Variants in RPTOR observed in about 807,000 individuals in gnomAD.
The protein encoded by RPTOR is regulatory-associated protein of mTOR.
RPTOR carries 21 observed loss-of-function variants against 169.9 expected under a neutral mutation model. The observed-to-expected ratio is 0.12, with a 90% CI of 0.09 to 0.18. The LOEUF is 0.18. Ranked by LOEUF, RPTOR falls within the 10% of genes least tolerant of loss-of-function variation. The pLI is 1.00. For synonymous variants in RPTOR, 732 were observed against 753.2 expected (o/e 0.97, Z 0.46); for missense variants, 1,133 against 1,855.9 (o/e 0.61, Z 7.16).
At chr17:80,598,071 G>A (rs1374824871) in intron 1 of RPTOR, among the ~76,000 whole-genome samples, 1 of 152,128 alleles carries the variant, frequency 6.6e-6, no homozygotes, top group Admixed American at 6.5e-5. Context: ...GAGTCCATCA[G>A]GCTGAGGCCA....
chr17:80,834,960 TTTA>T (rs748488550), intron 9 of RPTOR, among the ~76,000 whole-genome samples: 6 of 152,252 alleles, frequency 3.9e-5, no homozygotes, highest in Non-Finnish European at 5.9e-5. Context: ...TCGAGGAATC[TTTA>T]TAGAGTTTAA....
At position 80,831,314 on chromosome 17, in the gene RPTOR, A is replaced by G. The variant is rs941578356; in HGVS notation, c.1137-6608A>G. On this transcript the variant is annotated intron_variant, in intron 9 of 33. Transcript: ENST00000306801. ...GGAGGCTGAGACGATTCCTCAGTCC[A>G]TGTCACCCTGAGAAAATCCCCCTCC... 2.6e-5 allele frequency among the ~76,000 whole-genome samples: 4 copies of G among 152,278 alleles called. 1 individual carries two copies. The highest frequency in any genetic ancestry group is 2.0e-4 in the Admixed American group (3 of 15,304).
At position 80,966,310 on chromosome 17, in the gene RPTOR, C is replaced by T. The variant is rs906937402; in HGVS notation, c.*1980C>T. 4 of 231,680 alleles carry T rather than the reference C, an allele frequency of 1.7e-5. No individual in the cohort carries two copies. Among genetic ancestry groups the T allele is most frequent in the African/African-American group, 8.8e-5 (4 of 45,226 alleles). 14.4% of individuals were successfully genotyped at this position (231,680 alleles called of 1,614,324 possible). ...AATTGAGACGGACTTTGACAAAACA[C>T]GAAATGGTAATGTGAAGCTAAGAGC... On this transcript the variant is annotated 3_prime_UTR_variant, in exon 34 of 34. Coordinates refer to ENST00000306801, the MANE Select transcript of RPTOR (RefSeq NM_020761.3).
At chr17:80,937,173 G>A (rs2068964951) in intron 24 of RPTOR, among the ~76,000 whole-genome samples, 1 of 152,188 alleles carries the variant, frequency 6.6e-6, no homozygotes, top group South Asian at 2.1e-4. Context: ...GAGGGAGGGA[G>A]CTGGCAGTGT....
intron 6 of RPTOR, among the ~76,000 whole-genome samples, chr17:80,757,527 A>T (rs1460091054): frequency 6.6e-6 from 1 of 152,064 alleles, no homozygotes; most frequent in Non-Finnish European, 1.5e-5. Flanking sequence ...GTTTGTCTTA[A>T]TCTGTTTTGG....
At chr17:80,627,378 T>G (rs1361359739) in intron 2 of RPTOR, among the ~76,000 whole-genome samples, 2 of 152,208 alleles carry the variant, frequency 1.3e-5, no homozygotes, top group Admixed American at 6.5e-5. Context: ...TCTTTAAGTT[T>G]TGACAAATAT....
intron 21 of RPTOR, among the ~76,000 whole-genome samples, chr17:80,911,614 G>A (rs975648523): frequency 5.9e-5 from 9 of 151,988 alleles, no homozygotes; most frequent in African/African-American, 1.9e-4. Context: ...GTGAAACCCC[G>A]TCTCTACAAA....
intron 4 of RPTOR, among the ~76,000 whole-genome samples, chr17:80,709,570 G>A (rs903743727): frequency 6.6e-6 from 1 of 152,344 alleles, no homozygotes; most frequent in East Asian, 1.9e-4. Context: ...TCCCACATTC[G>A]CTGTCCCCTG....
chr17:80,750,918 A>G (rs1177316083), intron 5 of RPTOR, among the ~76,000 whole-genome samples: 1 of 152,202 alleles, frequency 6.6e-6, no homozygotes, highest in Non-Finnish European at 1.5e-5. Context: ...ATTTATCATC[A>G]TAAAAAAAAC....
intron 28 of RPTOR, among the ~76,000 whole-genome samples, chr17:80,955,947 G>A (rs1410987261): frequency 6.6e-6 from 1 of 152,220 alleles, no homozygotes; most frequent in African/African-American, 2.4e-5. Context: ...GGAAGGTAAC[G>A]CAAGATTAAA....
At chr17:80,857,976 C>A in intron 13 of RPTOR, 76 bp downstream of exon 13, 1 of 1,148,076 alleles carries the variant, frequency 8.7e-7, no homozygotes, top group Admixed American at 1.8e-5. Flanking sequence ...CCTGCGTTTC[C>A]AGCCTGCCCT....
intron 6 of RPTOR, among the ~76,000 whole-genome samples, chr17:80,771,075 C>T (rs1404372665): frequency 6.6e-6 from 1 of 152,264 alleles, no homozygotes. Context: ...ATCCTTGCCC[C>T]TGAAGAGTCC....
chr17:80,846,182 G>T (rs982334356), intron 10 of RPTOR, among the ~76,000 whole-genome samples: 1 of 152,196 alleles, frequency 6.6e-6, no homozygotes, highest in Admixed American at 6.5e-5. Context: ...GTCCACAGCT[G>T]GTTCCCAGCA....
intron 1 of RPTOR, among the ~76,000 whole-genome samples, chr17:80,615,720 T>C (rs2065304568): frequency 1.3e-5 from 2 of 152,194 alleles, no homozygotes; most frequent in Admixed American, 6.5e-5. Flanking sequence ...GCCTTCTTAT[T>C]CCACCGTGAC....
rs1383581719 is a variant in RPTOR at position 80,633,614 on chromosome 17, C to T, written c.265+7821C>T. Among the ~76,000 whole-genome samples, 1 of 152,264 alleles carries T rather than the reference C, an allele frequency of 6.6e-6. No homozygotes were observed. Among genetic ancestry groups the T allele is most frequent in the African/African-American group, 2.4e-5 (1 of 41,466 alleles). ...GGGCTGTGATCTATCCATTACTGGT[C>T]ATGCAGATCTTCTCACCTGATTCAG... is the stretch of plus-strand genomic sequence containing the variant. On this transcript the variant is annotated intron_variant, in intron 2 of 33. Transcript: ENST00000306801. This position sits in a 1 kb window ranked among gnomAD's most constrained non-coding sequence, Gnocchi z 4.1.
chr17:80,925,829 C>T (rs1308723749), intron 24 of RPTOR, among the ~76,000 whole-genome samples: 6 of 152,360 alleles, frequency 3.9e-5, no homozygotes, highest in East Asian at 1.9e-4. Context: ...GACTGTTAGA[C>T]GCAGCCTGCT....
At chr17:80,812,606 A>C (rs1309445323) in intron 7 of RPTOR, among the ~76,000 whole-genome samples, 1 of 152,068 alleles carries the variant, frequency 6.6e-6, no homozygotes, top group Non-Finnish European at 1.5e-5. Context: ...GAGTTGCCAG[A>C]TGCTTCCAAG....
At chr17:80,743,854 G>GAGCCCTGGCTACTAGCAC (rs1199516511) in intron 5 of RPTOR, among the ~76,000 whole-genome samples, 3 of 18,346 alleles carry the variant, frequency 1.6e-4, no homozygotes, top group East Asian at 1.7e-3. Flanking sequence ...GTTACTAGCA[G>GAGCCCTGGCTACTAGCAC]AGCCCTGGCT....
chr17:80,801,623 C>CA (rs2067158907), intron 7 of RPTOR: 1 of 152,234 alleles, frequency 6.6e-6, no homozygotes. Context: ...GGAAAACTAT[C>CA]AAAAGATCCC....
Sources: gnomAD v4.1 joint callset for allele counts (sites outside exome capture counted in the v4.1 genomes callset) on GRCh38, gnomAD v4.1.1 for gene constraint, Gnocchi (gnomAD v3.1) non-coding constraint, MANE v1.5 for transcripts, NCBI Gene and HGNC (gene_info 2026-07-23, HGNC 2026-07-21) for gene names.